CSMD1: variants seen among roughly 807,000 people sequenced by gnomAD.
CSMD1 encodes the protein CUB and sushi domain-containing protein 1.
Under a neutral mutation model 417.5 loss-of-function variants are expected in CSMD1, and 213 were observed. The ratio of observed to expected loss-of-function variants is 0.51; its 90% confidence interval spans 0.46 to 0.57. CSMD1 has a LOEUF of 0.57. Ranked by LOEUF, CSMD1 falls within the 20% of genes least tolerant of loss-of-function variation. The probability of loss-of-function intolerance (pLI) is 0.00; values close to 1 mark genes in which losing one functional copy is unlikely to be tolerated. For missense variants in CSMD1, 6,923 were observed against 4,529.7 expected (o/e 1.53, Z -15.17); for synonymous variants, 2,862 against 1,736.8 (o/e 1.65, Z -16.11).
At chr8:3,546,271 T>A (rs980411288) in intron 10 of CSMD1, among the ~76,000 whole-genome samples, 1 of 150,700 alleles carries the variant, frequency 6.6e-6, no homozygotes, top group African/African-American at 2.4e-5. Flanking sequence ...CCTCTATTAT[T>A]AAAAAAAAAA....
intron 37 of CSMD1, among the ~76,000 whole-genome samples, chr8:3,171,093 T>C (rs1208946686): frequency 1.3e-5 from 2 of 152,224 alleles, no homozygotes; most frequent in Non-Finnish European, 2.9e-5. Context: ...ATGATTATAG[T>C]TCATGAGAAT....
At position 2,950,276 on chromosome 8, in the gene CSMD1, A is replaced by G; in HGVS notation, c.10269T>C (p.Ile3423=). 6.2e-7 allele frequency: 1 copy of G among 1,613,452 alleles called. No individual in the cohort carries two copies. The highest frequency in any genetic ancestry group is 1.1e-5 in the South Asian group (1 of 91,068). Residue 3423 remains isoleucine, a synonymous_variant, in exon 67 of 70, where the codon ATT becomes ATC. Coordinates refer to ENST00000635120, the MANE Select transcript of CSMD1 (RefSeq NM_033225.6). ...TGTCATTTTCGAACTTGCTTACAAA[A>G]ATATCTGCCTGGCCTTTAATTTGAA... ...KAFQIKGQAD[I]FVSKFENDNW...
chr8:3,015,934 C>T (rs762631074), intron 52 of CSMD1, among the ~76,000 whole-genome samples: 1 of 152,140 alleles, frequency 6.6e-6, no homozygotes, highest in Admixed American at 6.6e-5. Context: ...CCCTTGCATG[C>T]GCCTCCAGAG....
At chr8:3,576,642 G>C (rs970369896) in intron 9 of CSMD1, among the ~76,000 whole-genome samples, 4 of 152,110 alleles carry the variant, frequency 2.6e-5, no homozygotes, top group African/African-American at 9.7e-5. Context: ...AACATAACTG[G>C]GTTTCCGAAA....
intron 2 of CSMD1, among the ~76,000 whole-genome samples, chr8:4,560,709 C>A (rs1563287393): frequency 6.6e-6 from 1 of 152,216 alleles, no homozygotes; most frequent in Non-Finnish European, 1.5e-5. Context: ...TGTTAGTCGA[C>A]AACACTGTGG....
At chr8:4,134,796 ATTTAT>A (rs1803317955) in intron 3 of CSMD1, among the ~76,000 whole-genome samples, 1 of 152,172 alleles carries the variant, frequency 6.6e-6, no homozygotes, top group Admixed American at 6.5e-5. Flanking sequence ...ATCATGAGTG[ATTTAT>A]TTTAACACAA....
chr8:4,284,175 C>A (rs1375045033), intron 3 of CSMD1, among the ~76,000 whole-genome samples: 1 of 152,120 alleles, frequency 6.6e-6, no homozygotes, highest in African/African-American at 2.4e-5. Context: ...CCAGACTAGG[C>A]TGGCCAACAT....
At chr8:4,913,093 C>T (rs528930630) in intron 1 of CSMD1, among the ~76,000 whole-genome samples, 2 of 152,204 alleles carry the variant, frequency 1.3e-5, no homozygotes, top group African/African-American at 4.8e-5. Context: ...GTGGCCAGCA[C>T]CAGCTGCTTT....
intron 3 of CSMD1, among the ~76,000 whole-genome samples, chr8:4,121,620 TAAA>T (rs35084613): frequency 2.1e-5 from 3 of 144,056 alleles, no homozygotes; most frequent in Non-Finnish European, 1.5e-5. Context: ...ACACCTAGTT[TAAA>T]AAAAAAAAAA....
At chr8:4,050,853 G>T (rs1480095265) in intron 3 of CSMD1, among the ~76,000 whole-genome samples, 2 of 152,058 alleles carry the variant, frequency 1.3e-5, no homozygotes, top group African/African-American at 4.8e-5. Flanking sequence ...AGAAGATTCT[G>T]GATCTGAAAG....
intron 6 of CSMD1, among the ~76,000 whole-genome samples, chr8:3,740,832 G>A (rs116019579): frequency 6.6e-6 from 1 of 152,156 alleles, no homozygotes; most frequent in Non-Finnish European, 1.5e-5. Flanking sequence ...AGGCAACAGA[G>A]TGCCCAGTGG....
At chr8:4,969,670 G>T (rs146455346) in intron 1 of CSMD1, among the ~76,000 whole-genome samples, 1 of 152,044 alleles carries the variant, frequency 6.6e-6, no homozygotes, top group Non-Finnish European at 1.5e-5. Context: ...ATTTCGAGGT[G>T]TGTCAATATT....
chr8:3,123,167 C>G (rs894183529), intron 41 of CSMD1, among the ~76,000 whole-genome samples: 1 of 152,122 alleles, frequency 6.6e-6, no homozygotes, highest in African/African-American at 2.4e-5. Flanking sequence ...AAAGCCAGGC[C>G]AAATCAGCAT....
chr8:3,604,960 C>G (rs1211624779), intron 8 of CSMD1, among the ~76,000 whole-genome samples: 1 of 152,106 alleles, frequency 6.6e-6, no homozygotes, highest in Admixed American at 6.5e-5. Context: ...TCCCTCATTT[C>G]TTCATCATTT....
chr8:4,013,193 C>T (rs1796361443), intron 4 of CSMD1, among the ~76,000 whole-genome samples: 1 of 152,098 alleles, frequency 6.6e-6, no homozygotes, highest in African/African-American at 2.4e-5. Context: ...CTACAGGGCC[C>T]ACTCCTATCC....
intron 26 of CSMD1, among the ~76,000 whole-genome samples, chr8:3,277,419 C>T (rs1192276363): frequency 2.6e-5 from 4 of 152,092 alleles, no homozygotes; most frequent in African/African-American, 9.7e-5. Flanking sequence ...CTCAGACCCC[C>T]AGCGGCGTAG....
chr8:3,781,712 T>A (rs1395661426), intron 5 of CSMD1, among the ~76,000 whole-genome samples: 3 of 152,098 alleles, frequency 2.0e-5, no homozygotes, highest in Non-Finnish European at 4.4e-5. Flanking sequence ...TTCTAGGGTG[T>A]CCCCATGTGA....
chr8:3,276,575 G>T (rs955826710), intron 26 of CSMD1, among the ~76,000 whole-genome samples: 21 of 152,102 alleles, frequency 1.4e-4, no homozygotes, highest in Non-Finnish European at 2.4e-4. Flanking sequence ...CCTCCCACTG[G>T]GTCCCTCCCA....
intron 3 of CSMD1, among the ~76,000 whole-genome samples, chr8:4,265,361 G>GTTACATAATAATATATAATATATAATGAA (rs1192477885): frequency 1.3e-4 from 14 of 110,740 alleles, no homozygotes; most frequent in South Asian, 6.6e-4. Context: ...TCTCTGCACA[G>GTTACATAATAATATATAATATATAATGAA]TATCATTTGA....
Sources: gnomAD v4.1 joint callset for allele counts (sites outside exome capture counted in the v4.1 genomes callset) on GRCh38, gnomAD v4.1.1 for gene constraint, MANE v1.5 for transcripts, NCBI Gene and HGNC (gene_info 2026-07-23, HGNC 2026-07-21) for gene names.